DHX29: variants seen among roughly 807,000 people sequenced by gnomAD.
DHX29 encodes ATP-dependent RNA helicase DHX29.
In DHX29, 79 loss-of-function variants were observed where a neutral mutation model predicts 167.9. The observed-to-expected ratio is 0.47, with a 90% confidence interval of 0.39 to 0.57. The LOEUF (loss-of-function observed/expected upper bound fraction) is 0.57, where lower values mean the gene tolerates loss of function less well. Among genes scored for constraint, DHX29 ranks in the 20% least tolerant of loss-of-function variants. The pLI is 0.00. For missense variants in DHX29, 1,347 were observed against 1,593.4 expected (o/e 0.85, Z 2.63); for synonymous variants, 530 against 546.0 (o/e 0.97, Z 0.41).
At chr5:55,269,139 G>C (rs112109874) in intron 21 of DHX29, among the ~76,000 whole-genome samples, 13 of 151,576 alleles carry the variant, frequency 8.6e-5, no homozygotes, top group African/African-American at 3.1e-4. Context: ...CCAGCTACTT[G>C]GGAGACTGAG....
chr5:55,257,570 G>A (rs1262473588), intron 26 of DHX29, among the ~76,000 whole-genome samples: 4 of 152,144 alleles, frequency 2.6e-5, no homozygotes, highest in Admixed American at 6.6e-5. Flanking sequence ...GATTACAGGC[G>A]CAAGCCACCA....
At chr5:55,284,796 A>G (rs560789358) in intron 10 of DHX29, among the ~76,000 whole-genome samples, 1 of 152,354 alleles carries the variant, frequency 6.6e-6, no homozygotes, top group African/African-American at 2.4e-5. Context: ...GAGCGAGACA[A>G]TATAACATTA....
At chr5:55,289,169 C>T (rs566172421) in intron 8 of DHX29, 101 bp downstream of exon 8, 107 of 1,295,400 alleles carry the variant, frequency 8.3e-5, no homozygotes, top group Middle Eastern at 2.8e-4. Context: ...TGCCATCTTA[C>T]GTACTTTGCC....
intron 8 of DHX29, among the ~76,000 whole-genome samples, chr5:55,286,951 C>G (rs1747762218): frequency 6.6e-6 from 1 of 152,206 alleles, no homozygotes; most frequent in East Asian, 1.9e-4. Context: ...TGTCAAATCT[C>G]AGAGTAAATG....
intron 2 of DHX29, among the ~76,000 whole-genome samples, 186 bp downstream of exon 2, chr5:55,298,405 T>C (rs1328772892): frequency 6.6e-6 from 1 of 152,354 alleles, no homozygotes; most frequent in South Asian, 2.1e-4. Flanking sequence ...CAGGCCTTCC[T>C]TCATTTCTTA....
rs779180011 is a variant in DHX29 at position 55,274,697 on chromosome 5, T to C, written c.2607A>G (p.Ala869=). Residue 869 remains alanine, a synonymous_variant, in exon 16 of 27, where the codon GCA becomes GCG. Coordinates refer to ENST00000251636, the MANE Select transcript of DHX29 (RefSeq NM_019030.4). ...KSPQFRNIEG[A]VLIFLPGLAH... ...CAAGTCCTGGTAAAAAGATCAATAC[T>C]GCTCCTTCAATATTTCTGAATTGGG... 23 of 1,598,054 alleles carry C rather than the reference T, an allele frequency of 1.4e-5. No homozygotes were observed. In the East Asian group the frequency reaches 1.8e-4, roughly 12 times the overall value.
chr5:55,295,908 T>A (rs891033056), intron 4 of DHX29, among the ~76,000 whole-genome samples: 2 of 152,200 alleles, frequency 1.3e-5, no homozygotes, highest in African/African-American at 4.8e-5. Flanking sequence ...CTCTGCTTAA[T>A]AAAATACTAT....
At chr5:55,262,438 C>T (rs1353109601) in intron 24 of DHX29, among the ~76,000 whole-genome samples, 192 bp downstream of exon 24, 1 of 152,162 alleles carries the variant, frequency 6.6e-6, no homozygotes, top group Non-Finnish European at 1.5e-5. Flanking sequence ...AGAAACCTTA[C>T]TATTTGTTTT....
At chr5:55,285,530 G>T in intron 9 of DHX29, 114 bp from the exon 10 acceptor site, 3 of 1,257,070 alleles carry the variant, frequency 2.4e-6, no homozygotes, top group Non-Finnish European at 2.2e-6. Context: ...ATATTTCCAT[G>T]GAAGGCATTA....
chr5:55,274,433 C>T (rs551571829), intron 16 of DHX29, among the ~76,000 whole-genome samples, 181 bp downstream of exon 16: 1 of 152,000 alleles, frequency 6.6e-6, no homozygotes, highest in South Asian at 2.1e-4. Flanking sequence ...AATATAGTAC[C>T]TAAAAATTTT....
chr5:55,274,556 G>C, intron 16 of DHX29, 58 bp downstream of exon 16: 1 of 1,283,084 alleles, frequency 7.8e-7, no homozygotes, highest in Non-Finnish European at 1.1e-6. Flanking sequence ...GGGTTTTAAT[G>C]TACCAAATAT....
chr5:55,277,905 CA>C (rs753851538), intron 12 of DHX29, among the ~76,000 whole-genome samples: 13,222 of 62,218 alleles, frequency 0.21, 599 homozygotes, highest in African/African-American at 0.32. Flanking sequence ...GACTCTATCT[CA>C]AAAAAAAAAA....
intron 5 of DHX29, among the ~76,000 whole-genome samples, chr5:55,294,518 C>CA (rs541836903): frequency 6.6e-6 from 1 of 152,034 alleles, no homozygotes; most frequent in South Asian, 2.1e-4. Context: ...ACTAAAAATA[C>CA]AAAAAAATTA....
intron 1 of DHX29, among the ~76,000 whole-genome samples, chr5:55,305,169 AT>A (rs1186814423): frequency 6.6e-6 from 1 of 152,226 alleles, no homozygotes; most frequent in Non-Finnish European, 1.5e-5. Context: ...AAAACATATA[AT>A]TCTTTACATA....
At chr5:55,266,530 A>C (rs1344621666) in intron 23 of DHX29, among the ~76,000 whole-genome samples, 1 of 150,458 alleles carries the variant, frequency 6.6e-6, no homozygotes, top group Non-Finnish European at 1.5e-5. Flanking sequence ...GCTGGTCTCA[A>C]ACTCCCAACC....
rs1747403392 is a variant in DHX29 at position 55,281,380 on chromosome 5, C to G, written c.2101G>C (p.Val701Leu). Residue 701 changes from valine (V) to leucine (L), a missense_variant, in exon 12 of 27, where the codon GTA becomes CTA. Coordinates refer to ENST00000251636, the MANE Select transcript of DHX29 (RefSeq NM_019030.4). ...CTATAGAATCCACTCACCTCATCTA[C>G]AATAACATGAGACACATTACTTAGA... ...GLLSNVSHVI[V>L]DEVHERSVQS... is the part of the protein sequence containing the mutation. 10 of 1,583,790 alleles carry G rather than the reference C, an allele frequency of 6.3e-6. No individual in the cohort carries two copies. Among genetic ancestry groups the G allele is most frequent in the Non-Finnish European group, 8.6e-6 (10 of 1,165,786 alleles).
chr5:55,268,820 A>G (rs538052756), intron 21 of DHX29, among the ~76,000 whole-genome samples: 1 of 152,258 alleles, frequency 6.6e-6, no homozygotes, highest in East Asian at 1.9e-4. Flanking sequence ...ACAAAAAAGG[A>G]AAGAAAAAAA....
At chr5:55,295,258 A>C in intron 5 of DHX29, 121 bp downstream of exon 5, 2 of 776,326 alleles carry the variant, frequency 2.6e-6, no homozygotes, top group Non-Finnish European at 4.1e-6. Context: ...AGTCTAGCAA[A>C]CCAATTAGTT....
intron 11 of DHX29, 101 bp from the exon 12 acceptor site, chr5:55,281,616 G>C: frequency 1.3e-6 from 1 of 743,914 alleles, no homozygotes; most frequent in South Asian, 3.2e-5. Flanking sequence ...GTTAAATGGA[G>C]CATTGTAAGT....
Sources: gnomAD v4.1 joint callset for allele counts (sites outside exome capture counted in the v4.1 genomes callset) on GRCh38, gnomAD v4.1.1 for gene constraint, MANE v1.5 for transcripts, NCBI Gene and HGNC (gene_info 2026-07-23, HGNC 2026-07-21) for gene names.